SYTL4: variants seen among roughly 807,000 people sequenced by gnomAD.
SYTL4 encodes the protein synaptotagmin-like protein 4.
SYTL4 carries 16 observed loss-of-function variants against 52.7 expected under a neutral mutation model. The ratio of observed to expected loss-of-function variants is 0.30; its 90% CI spans 0.21 to 0.46. SYTL4 has a LOEUF of 0.46. Ranked by LOEUF, SYTL4 falls within the 20% of genes least tolerant of loss-of-function variation. SYTL4 has a pLI of 1.00. For synonymous variants in SYTL4, 160 were observed against 186.6 expected, an observed-to-expected ratio of 0.86 and a Z score of 1.16; for missense variants, 423 against 519.9, an observed-to-expected ratio of 0.81 and a Z score of 1.81.
At chrX:100,699,367 CAAAAG>C (rs1271029228) in intron 8 of SYTL4, among the ~76,000 whole-genome samples, 2 of 65,007 alleles carry the variant, frequency 3.1e-5, no homozygotes, top group South Asian at 7.1e-4. Flanking sequence ...AACTCCGTCT[CAAAAG>C]AAAAGAAAAG....
chrX:100,709,659 TC>T (rs1341063546), intron 2 of SYTL4, among the ~76,000 whole-genome samples: 2 of 112,433 alleles, frequency 1.8e-5, no homozygotes, highest in Non-Finnish European at 3.8e-5. Context: ...ATTGTACCTA[TC>T]CTTTGGGGCT....
At position 100,698,296 on chromosome X, in the gene SYTL4, G is replaced by A. The variant is rs762318254; in HGVS notation, c.539+2601C>T. On this transcript the variant is annotated intron_variant, in intron 8 of 19. Coordinates refer to ENST00000372989, the MANE Select transcript of SYTL4 (RefSeq NM_001370165.1). ...TTTTTTGTATTTTTATTAGAGACGG[G>A]GTTTCACCGTGTTAGCCAGGATGGT... 5.4e-5 allele frequency among the ~76,000 whole-genome samples: 6 copies of A among 110,404 alleles called. No homozygotes were observed. In the South Asian group the frequency reaches 2.0e-3, roughly 38 times the overall value.
intron 3 of SYTL4, among the ~76,000 whole-genome samples, chrX:100,703,769 A>T (rs1245274936): frequency 1.8e-5 from 2 of 112,578 alleles, no homozygotes; most frequent in Non-Finnish European, 3.8e-5. Context: ...GCCATTAAAA[A>T]TGTGGTAGAT....
At chrX:100,684,226 CTGTGCT>C (rs1466034687) in intron 16 of SYTL4, among the ~76,000 whole-genome samples, 4 of 111,906 alleles carry the variant, frequency 3.6e-5, no homozygotes, top group African/African-American at 9.7e-5. Flanking sequence ...AGTCATCCTA[CTGTGCT>C]GTTGAACAAA....
chrX:100,712,429 C>T (rs139915844), intron 2 of SYTL4, among the ~76,000 whole-genome samples: 278 of 111,569 alleles, frequency 2.5e-3, no homozygotes, highest in Non-Finnish European at 4.7e-3. Context: ...GACAAATAAA[C>T]GAACAGAATA....
chrX:100,686,506 C>A (rs1049137621), intron 15 of SYTL4, 173 bp downstream of exon 15: 67 of 407,477 alleles, frequency 1.6e-4, no homozygotes, highest in Non-Finnish European at 2.5e-4. Context: ...AAAGGCAGAT[C>A]ACCTTTGTTC....
intron 2 of SYTL4, among the ~76,000 whole-genome samples, chrX:100,717,202 A>G (rs2084244248): frequency 9.0e-6 from 1 of 111,722 alleles, no homozygotes; most frequent in Admixed American, 9.6e-5. Context: ...GAACAGAGCT[A>G]GTCCATGCCC....
rs2084599194 is a variant in SYTL4, at chrX:100,729,652, C to T, written c.-240+1766G>A. Among the ~76,000 whole-genome samples the T allele has an allele frequency of 1.8e-5, 2 of 111,303 alleles. 1 individual carries two copies. The highest frequency in any genetic ancestry group is 1.9e-4 in the Admixed American group (2 of 10,506). On this transcript the variant is annotated intron_variant, in intron 2 of 19. Coordinates refer to ENST00000372989, the MANE Select transcript of SYTL4 (RefSeq NM_001370165.1). ...GACAAAGGGAGCTCCGAGATCCAGA[C>T]CTTGCCCTTAGAGAACTTACAGCCT...
In SYTL4 at chrX:100,675,777, T is replaced by A. The variant is rs2083264669; in HGVS notation, c.*251A>T. ...AATGGACTCTGAAAATAAACTAGAT[T>A]ATACACAGAAACATTTTAAAGAAAT... On this transcript the variant is annotated 3_prime_UTR_variant, in exon 20 of 20. Transcript: ENST00000372989. 1 of 286,358 alleles carries A rather than the reference T, an allele frequency of 3.5e-6. No homozygotes were observed. Among genetic ancestry groups the A allele is most frequent in the Non-Finnish European group, 6.1e-6 (1 of 164,928 alleles). 23.6% of individuals were successfully genotyped at this position (286,358 alleles called of 1,213,427 possible).
At chrX:100,698,827 A>C (rs976369358) in intron 8 of SYTL4, among the ~76,000 whole-genome samples, 2 of 112,355 alleles carry the variant, frequency 1.8e-5, no homozygotes, top group Non-Finnish European at 3.8e-5. Context: ...TATAAAACTA[A>C]AAGGAAACAA....
intron 8 of SYTL4, among the ~76,000 whole-genome samples, chrX:100,699,388 G>GA (rs2083788661): frequency 1.9e-5 from 1 of 52,253 alleles, no homozygotes; most frequent in Non-Finnish European, 3.9e-5. Context: ...AAAAGAAAAA[G>GA]AAAAGAAAAG....
intron 14 of SYTL4, 142 bp downstream of exon 14, chrX:100,686,924 CT>C: frequency 1.2e-6 from 1 of 863,599 alleles, no homozygotes; most frequent in Non-Finnish European, 1.6e-6. Context: ...GCCATTCTTG[CT>C]TTTTCCCAAT....
At chrX:100,705,179 C>A (rs766517920) in intron 2 of SYTL4, among the ~76,000 whole-genome samples, 12 of 112,112 alleles carry the variant, frequency 1.1e-4, no homozygotes, top group Admixed American at 1.9e-4. Flanking sequence ...ATATTGCAAT[C>A]ACTGTCATTG....
intron 2 of SYTL4, among the ~76,000 whole-genome samples, chrX:100,724,161 A>C (rs867067734): frequency 1.6e-5 from 1 of 63,098 alleles, no homozygotes; most frequent in Non-Finnish European, 2.9e-5. Context: ...TCAGCCCCCC[A>C]CACGGCCAGC....
At chrX:100,682,565 G>A (rs760067207) in intron 16 of SYTL4, among the ~76,000 whole-genome samples, 73 of 109,961 alleles carry the variant, frequency 6.6e-4, no homozygotes, top group Non-Finnish European at 1.2e-3. Flanking sequence ...GAAATCAGCC[G>A]ACGGGGTGGT....
chrX:100,682,996 AG>A (rs1454082223), intron 16 of SYTL4, among the ~76,000 whole-genome samples: 2 of 110,626 alleles, frequency 1.8e-5, no homozygotes, highest in Non-Finnish European at 3.8e-5. Flanking sequence ...GATGAGCAGC[AG>A]GTGGCCTATT....
chrX:100,720,397 A>G (rs2084316829), intron 2 of SYTL4, among the ~76,000 whole-genome samples: 2 of 112,586 alleles, frequency 1.8e-5, no homozygotes, highest in South Asian at 7.4e-4. Flanking sequence ...GTGAGAGCTG[A>G]CACATTGTTA....
intron 8 of SYTL4, among the ~76,000 whole-genome samples, chrX:100,699,741 G>T (rs778125248): frequency 9.9e-6 from 1 of 100,916 alleles, no homozygotes; most frequent in Non-Finnish European, 2.0e-5. Context: ...TGATCCACCC[G>T]CCTCAGCCTC....
intron 19 of SYTL4, among the ~76,000 whole-genome samples, chrX:100,678,089 T>C (rs901048655): frequency 1.8e-5 from 2 of 110,881 alleles, no homozygotes; most frequent in South Asian, 4.0e-4. Flanking sequence ...ATTAACAGCA[T>C]GGAAGATGGA....
Sources: allele counts gnomAD v4.1 joint callset (sites outside exome capture counted in the v4.1 genomes callset), GRCh38; gene constraint gnomAD v4.1.1; transcripts MANE v1.5; gene names NCBI Gene and HGNC (gene_info 2026-07-23, HGNC 2026-07-21).